The following NALF2 variants were observed in gnomAD, a reference collection of about 807,000 sequenced individuals.
NALF2 encodes NALCN channel auxiliary factor 2.
Under a neutral mutation model 24.8 loss-of-function variants are expected in NALF2, and 1 was observed. The observed-to-expected ratio is 0.04, with a 90% CI of 0.01 to 0.19. The LOEUF (loss-of-function observed/expected upper bound fraction) is 0.19, where lower values mean the gene tolerates loss of function less well. Ranked by LOEUF, NALF2 falls within the 10% of genes least tolerant of loss-of-function variation. The pLI is 1.00. For synonymous variants in NALF2, 254 were observed against 189.8 expected (o/e 1.34, Z -2.78); for missense variants, 458 against 409.6 (o/e 1.12, Z -1.02).
chrX:69,527,844 T>C (rs1267636088), intron 1 of NALF2, among the ~76,000 whole-genome samples: 1 of 111,641 alleles, frequency 9.0e-6, no homozygotes, highest in African/African-American at 3.3e-5. Context: ...CACAAGCTCC[T>C]AGGTGATGGT....
chrX:69,527,960 A>G (rs781116008), intron 1 of NALF2, among the ~76,000 whole-genome samples: 25 of 110,574 alleles, frequency 2.3e-4, no homozygotes, highest in African/African-American at 7.3e-4. Flanking sequence ...ACATTTGACA[A>G]TGGCTGGAGA....
Position 69,505,997 on chromosome X carries a change from G to A in NALF2, c.715G>A (p.Ala239Thr), listed in dbSNP as rs201772031. The change falls in exon 1 of 3, where the codon GCC becomes ACC. Residue 239 changes from alanine (A) to threonine (T), a missense_variant. Coordinates refer to ENST00000252338, the MANE Select transcript of NALF2 (RefSeq NM_015686.3). ...LAVVASPGSGAWEACSNCIEA... is the reference protein window; with the variant it reads ...LAVVASPGSGTWEACSNCIEA... Reference sequence around the variant, plus strand: ...CGTGGTGGCCAGCCCGGGCTCCGGGGCCTGGGAGGCGTGTAGCAACTGTAT... The same window carrying A: ...CGTGGTGGCCAGCCCGGGCTCCGGGACCTGGGAGGCGTGTAGCAACTGTAT... 299 of 1,210,018 alleles carry A rather than the reference G, an allele frequency of 2.5e-4. 1 individual carries two copies. Among genetic ancestry groups the A allele is most frequent in the East Asian group, 1.2e-4 (4 of 33,699 alleles).
At position 69,525,285 on chromosome X, in the gene NALF2, A is replaced by T. The variant is rs771394668; in HGVS notation, c.862-3708A>T. ...CCACAGGGACCTCTGAGTCACACTGATGGATGCAGGGTTGGGAGGGGGCCG... is the reference window on the plus strand; with the variant it reads ...CCACAGGGACCTCTGAGTCACACTGTTGGATGCAGGGTTGGGAGGGGGCCG... On this transcript the variant is annotated intron_variant, in intron 1 of 2. Coordinates refer to ENST00000252338, the MANE Select transcript of NALF2 (RefSeq NM_015686.3). Among the ~76,000 whole-genome samples, 139 of 111,605 alleles carry T rather than the reference A, an allele frequency of 1.2e-3. 1 individual carries two copies. The highest frequency in any genetic ancestry group is 1.9e-3 in the Non-Finnish European group (103 of 53,021).
chrX:69,507,393 C>G (rs1358075256), intron 1 of NALF2, among the ~76,000 whole-genome samples: 1 of 111,415 alleles, frequency 9.0e-6, no homozygotes, highest in Non-Finnish European at 1.9e-5. Context: ...CTCCTTTTTC[C>G]TGCTCTCGTA....
rs754504673 is a variant in NALF2 at position 69,513,345 on chromosome X, C to T, written c.861+7202C>T. ...TTGTTGCCCCAGAGTCCGCTGAGGC[C>T]TGGCCTGGGCTTTGGATGCCCAGTT... On this transcript the variant is annotated intron_variant, in intron 1 of 2. Coordinates refer to ENST00000252338, the MANE Select transcript of NALF2 (RefSeq NM_015686.3). Among the ~76,000 whole-genome samples the T allele has an allele frequency of 2.7e-5, 3 of 112,476 alleles. No individual in the cohort carries two copies. The East Asian group carries it at 8.4e-4, about 32-fold the overall frequency.
At chrX:69,518,955 C>T (rs1210599638) in intron 1 of NALF2, among the ~76,000 whole-genome samples, 3 of 112,295 alleles carry the variant, frequency 2.7e-5, no homozygotes, top group South Asian at 7.3e-4. Context: ...ACTTAAGATA[C>T]ACACATGCTT....
Position 69,504,822 on chromosome X carries a change from G to GGCCCGCACGGCGGC in NALF2, c.-458_-445dup, listed in dbSNP as rs1286716065. Among the ~76,000 whole-genome samples the GGCCCGCACGGCGGC allele has an allele frequency of 9.2e-6, 1 of 108,524 alleles. No individual in the cohort carries two copies. The highest frequency in any genetic ancestry group is 1.9e-5 in the Non-Finnish European group (1 of 51,587). 94.2% of individuals were successfully genotyped at this position (108,524 alleles called of 115,157 possible). On this transcript the variant is annotated 5_prime_UTR_variant, in exon 1 of 3. Transcript: ENST00000252338. ...GGAGCGGAGCGGAGCGCGGCGGCGGGGCCCGCACGGCGGCGCTGAGGGGCG... is the reference window on the plus strand; with the variant it reads ...GGAGCGGAGCGGAGCGCGGCGGCGGGGCCCGCACGGCGGCGCCCGCACGGCGGCGCTGAGGGGCG...
At chrX:69,510,064 C>T (rs1420719395) in intron 1 of NALF2, among the ~76,000 whole-genome samples, 1 of 112,441 alleles carries the variant, frequency 8.9e-6, no homozygotes, top group African/African-American at 3.2e-5. Flanking sequence ...AGGAAGTGAG[C>T]TCCTGCTCCC....
chrX:69,523,524 C>A (rs920348889), intron 1 of NALF2, among the ~76,000 whole-genome samples: 4 of 111,994 alleles, frequency 3.6e-5, no homozygotes, highest in African/African-American at 9.7e-5. Context: ...AGGGATGGGA[C>A]AGCCTTCGCA....
intron 1 of NALF2, among the ~76,000 whole-genome samples, chrX:69,517,835 C>T (rs753202767): frequency 2.7e-4 from 30 of 112,811 alleles, no homozygotes; most frequent in Non-Finnish European, 3.9e-4. Context: ...TTGATCACAT[C>T]TCTGTTCTCT....
At chrX:69,525,228 G>A (rs965803850) in intron 1 of NALF2, among the ~76,000 whole-genome samples, 4 of 111,852 alleles carry the variant, frequency 3.6e-5, no homozygotes, top group South Asian at 3.8e-4. Context: ...CTAGGAGCTG[G>A]AACACTGAAC....
At chrX:69,521,731 T>C (rs759632309) in intron 1 of NALF2, among the ~76,000 whole-genome samples, 1 of 112,155 alleles carries the variant, frequency 8.9e-6, no homozygotes, top group Non-Finnish European at 1.9e-5. Context: ...CTTTCTCACT[T>C]TGGTAAAGTT....
chrX:69,505,526 T>TG lies in NALF2; in HGVS notation c.250dup (p.Ala84GlyfsTer87). On this transcript the variant is annotated frameshift_variant, in exon 1 of 3. Coordinates refer to ENST00000252338, the MANE Select transcript of NALF2 (RefSeq NM_015686.3). LOFTEE classifies it high-confidence loss of function. Reference sequence around the variant, plus strand: ...GCTGAGCAGCGCCATGCGGCCCCCATGGGGGGCCGGCCGGGAGCGGCAGCC... The same window carrying TG: ...GCTGAGCAGCGCCATGCGGCCCCCATGGGGGGGCCGGCCGGGAGCGGCAGCC... 1.0e-6 allele frequency: 1 copy of TG among 967,659 alleles called. No individual in the cohort carries two copies. Among genetic ancestry groups the TG allele is most frequent in the Non-Finnish European group, 1.3e-6 (1 of 778,796 alleles). The allele number at this position is 967,659 out of a possible 1,213,427, so 79.7% of individuals were successfully genotyped here. A position where few individuals can be genotyped will look rare whatever the true frequency, so the allele number is the denominator to read the frequency against.
intron 2 of NALF2, 94 bp downstream of exon 2, chrX:69,529,258 G>A: frequency 1.0e-6 from 1 of 977,474 alleles, no homozygotes; most frequent in Non-Finnish European, 1.4e-6. Flanking sequence ...CAACAGGGGA[G>A]TCAGGTGAGA....
At chrX:69,511,009 C>G (rs1930573872) in intron 1 of NALF2, among the ~76,000 whole-genome samples, 1 of 109,244 alleles carries the variant, frequency 9.2e-6, no homozygotes, top group Non-Finnish European at 1.9e-5. Context: ...TCACACCCAA[C>G]ATGCCTATCC....
chrX:69,511,547 TC>T (rs1930584245), intron 1 of NALF2, among the ~76,000 whole-genome samples: 1 of 111,751 alleles, frequency 8.9e-6, no homozygotes, highest in Non-Finnish European at 1.9e-5. Flanking sequence ...CCGGTCTTCT[TC>T]ATGGCTACTT....
At chrX:69,513,093 C>T (rs1930607587) in intron 1 of NALF2, among the ~76,000 whole-genome samples, 1 of 111,667 alleles carries the variant, frequency 9.0e-6, no homozygotes, top group African/African-American at 3.3e-5. Context: ...CTCCTCTCGC[C>T]TGGAGGGAAG....
chrX:69,523,430 G>A (rs1377195807), intron 1 of NALF2, among the ~76,000 whole-genome samples: 1 of 112,173 alleles, frequency 8.9e-6, no homozygotes, highest in East Asian at 2.8e-4. Flanking sequence ...CCCTAGATTG[G>A]CAACTGCAGA....
At chrX:69,516,594 C>T (rs1171712543) in intron 1 of NALF2, among the ~76,000 whole-genome samples, 1 of 111,890 alleles carries the variant, frequency 8.9e-6, no homozygotes, top group Admixed American at 9.4e-5. Context: ...TCTAGAAGCC[C>T]CCAGATGGTA....
Sources: allele counts gnomAD v4.1 joint callset (sites outside exome capture counted in the v4.1 genomes callset), GRCh38; gene constraint gnomAD v4.1.1; transcripts MANE v1.5; gene names NCBI Gene and HGNC (gene_info 2026-07-23, HGNC 2026-07-21).